ZCCHC7: variants seen among roughly 807,000 people sequenced by gnomAD.
The protein encoded by ZCCHC7 is zinc finger CCHC domain-containing protein 7.
In ZCCHC7, 35 loss-of-function variants were observed where a neutral mutation model predicts 52.0. That is an observed-to-expected ratio of 0.67 (90% confidence interval 0.51 to 0.89). The LOEUF is 0.89. Ranked by LOEUF, ZCCHC7 falls within the 40% of genes least tolerant of loss-of-function variation. The probability of loss-of-function intolerance (pLI) is 0.00; values close to 1 mark genes in which losing one functional copy is unlikely to be tolerated. For synonymous variants in ZCCHC7, 217 were observed against 221.5 expected (o/e 0.98, Z 0.18); for missense variants, 574 against 649.1 (o/e 0.88, Z 1.26).
At chr9:37,245,435 A>G (rs1826042021) in intron 2 of ZCCHC7, among the ~76,000 whole-genome samples, 1 of 152,044 alleles carries the variant, frequency 6.6e-6, no homozygotes. Context: ...TAAGCAAATA[A>G]TTTCTTAGAA....
At chr9:37,154,600 AT>A (rs748907211) in intron 2 of ZCCHC7, among the ~76,000 whole-genome samples, 4 of 151,760 alleles carry the variant, frequency 2.6e-5, no homozygotes, top group Non-Finnish European at 5.9e-5. Flanking sequence ...CTCTCACCTT[AT>A]CCCCCAAGAG....
chr9:37,199,144 A>G (rs1823452804), intron 2 of ZCCHC7, among the ~76,000 whole-genome samples: 1 of 151,960 alleles, frequency 6.6e-6, no homozygotes, highest in Non-Finnish European at 1.5e-5. Flanking sequence ...GCCCCAGATG[A>G]TACTATTTTT....
In ZCCHC7 at chr9:37,357,653, A is replaced by C. The variant is rs966528041; in HGVS notation, c.*385A>C. ...GGAAGAGAAATTAACACTAAGAAAA[A>C]GTCATCAATATTTTTCAACTTTTTT... On this transcript the variant is annotated 3_prime_UTR_variant, in exon 9 of 9. Transcript: ENST00000336755. 3 of 153,984 alleles carry C rather than the reference A, an allele frequency of 1.9e-5. No individual in the cohort carries two copies. The highest frequency in any genetic ancestry group is 7.3e-5 in the African/African-American group (3 of 41,158). 9.5% of individuals were successfully genotyped at this position (153,984 alleles called of 1,614,324 possible).
rs961841815 is a variant in ZCCHC7, at chr9:37,155,720, A to C, written c.610+28778A>C. 2.0e-5 allele frequency among the ~76,000 whole-genome samples: 3 copies of C among 152,280 alleles called. No homozygotes were observed. The South Asian group carries it at 6.2e-4, about 32-fold the overall frequency. The stretch of plus-strand genomic sequence containing the variant: ...CCTTGTAAATGTCTCCAAATTTCAG[A>C]GTCCTATTCATCTTACCTAAAATAC... On this transcript the variant is annotated intron_variant, in intron 2 of 8. Transcript: ENST00000336755.
At chr9:37,173,550 CA>C (rs1821855249) in intron 2 of ZCCHC7, among the ~76,000 whole-genome samples, 1 of 152,188 alleles carries the variant, frequency 6.6e-6, no homozygotes, top group South Asian at 2.1e-4. Flanking sequence ...TTAGATTCTG[CA>C]TTTCAGAAGC....
intron 2 of ZCCHC7, among the ~76,000 whole-genome samples, chr9:37,279,219 A>T (rs1827829896): frequency 6.6e-6 from 1 of 152,152 alleles, no homozygotes; most frequent in Non-Finnish European, 1.5e-5. Flanking sequence ...AAAAAAAAAA[A>T]AGTAACATTG....
chr9:37,304,671 A>AG (rs1026348433), intron 4 of ZCCHC7, among the ~76,000 whole-genome samples: 14 of 151,822 alleles, frequency 9.2e-5, no homozygotes, highest in African/African-American at 3.4e-4. Context: ...AAAAAAAAAA[A>AG]TCTCAAGTGT....
At chr9:37,131,579 A>C (rs1842785962) in intron 2 of ZCCHC7, among the ~76,000 whole-genome samples, 3 of 152,210 alleles carry the variant, frequency 2.0e-5, no homozygotes, top group Admixed American at 2.0e-4. Flanking sequence ...TGGGAGGCGG[A>C]GGTTGCAGTG....
At chr9:37,349,263 T>C in intron 6 of ZCCHC7, 94 bp from the exon 7 acceptor site, 2 of 1,269,014 alleles carry the variant, frequency 1.6e-6, no homozygotes, top group Non-Finnish European at 2.2e-6. Context: ...AAGAAACTTC[T>C]AAGGAATCCC....
intron 2 of ZCCHC7, among the ~76,000 whole-genome samples, chr9:37,169,222 ATCTT>A (rs1460030621): frequency 2.0e-5 from 3 of 152,210 alleles, no homozygotes; most frequent in East Asian, 1.9e-4. Flanking sequence ...CTAGGATATA[ATCTT>A]TCTTAACCTC....
intron 2 of ZCCHC7, among the ~76,000 whole-genome samples, chr9:37,280,429 T>C (rs1038924965): frequency 6.6e-6 from 1 of 152,202 alleles, no homozygotes; most frequent in African/African-American, 2.4e-5. Context: ...CCAATAATTA[T>C]AGAATATGCA....
intron 2 of ZCCHC7, chr9:37,186,821 A>G (rs1295384639): frequency 2.2e-5 from 9 of 403,186 alleles, no homozygotes; most frequent in Non-Finnish European, 4.3e-5. Flanking sequence ...CACTTTTTCA[A>G]AGAATTTGTT....
At chr9:37,356,759 A>C in intron 8 of ZCCHC7, 76 bp from the exon 9 acceptor site, 1 of 1,347,456 alleles carries the variant, frequency 7.4e-7, no homozygotes, top group Non-Finnish European at 1.0e-6. Flanking sequence ...CTGTCTGTTA[A>C]GTTATTTACA....
intron 5 of ZCCHC7, chr9:37,327,111 A>G (rs905873518): frequency 1.3e-5 from 2 of 152,068 alleles, no homozygotes; most frequent in Non-Finnish European, 2.9e-5. Context: ...GCTATTGTTT[A>G]TATTTGCTTG....
chr9:37,350,624 C>T (rs1244174256), intron 7 of ZCCHC7, among the ~76,000 whole-genome samples: 1 of 152,180 alleles, frequency 6.6e-6, no homozygotes. Flanking sequence ...GCTGAAAAGG[C>T]CAAACTGTGT....
chr9:37,252,925 A>C (rs1043009553), intron 2 of ZCCHC7, among the ~76,000 whole-genome samples: 8 of 152,148 alleles, frequency 5.3e-5, no homozygotes, highest in Admixed American at 2.0e-4. Context: ...ACCCCCACTT[A>C]ATAGTTCTGA....
chr9:37,306,667 G>A (rs978653992), intron 5 of ZCCHC7, among the ~76,000 whole-genome samples: 70 of 142,094 alleles, frequency 4.9e-4, no homozygotes, highest in Middle Eastern at 5.0e-3. Context: ...GTTTCACCAC[G>A]TTGGCCAGGA....
intron 2 of ZCCHC7, among the ~76,000 whole-genome samples, chr9:37,267,490 C>T (rs1000252187): frequency 2.6e-5 from 4 of 151,856 alleles, no homozygotes; most frequent in South Asian, 2.1e-4. Flanking sequence ...GCCTCGACCT[C>T]GACCTCCCAA....
At chr9:37,338,807 A>G (rs975007764) in intron 6 of ZCCHC7, among the ~76,000 whole-genome samples, 4 of 152,098 alleles carry the variant, frequency 2.6e-5, no homozygotes, top group Non-Finnish European at 5.9e-5. Flanking sequence ...CAGAGAAAAT[A>G]TCAAAAGCAT....
Sources: gnomAD v4.1 joint callset for allele counts (sites outside exome capture counted in the v4.1 genomes callset) on GRCh38, gnomAD v4.1.1 for gene constraint, MANE v1.5 for transcripts, NCBI Gene and HGNC (gene_info 2026-07-23, HGNC 2026-07-21) for gene names.